The following HNF4G variants were observed in gnomAD, a reference collection of about 807,000 sequenced individuals.
The protein encoded by HNF4G is hepatocyte nuclear factor 4-gamma.
A neutral mutation model predicts 50.9 loss-of-function variants in HNF4G; 21 were observed. That is an observed-to-expected ratio of 0.41 (90% CI 0.29 to 0.59). The LOEUF (loss-of-function observed/expected upper bound fraction) is 0.59. Ranked by LOEUF, HNF4G falls within the 20% of genes least tolerant of loss-of-function variation. HNF4G has a pLI of 0.26. For missense variants in HNF4G, 527 were observed against 559.4 expected, an observed-to-expected ratio of 0.94 and a Z score of 0.58; for synonymous variants, 198 against 185.6, an observed-to-expected ratio of 1.07 and a Z score of -0.54.
intron 1 of HNF4G, among the ~76,000 whole-genome samples, chr8:75,484,727 C>CA (rs2130666125): frequency 6.6e-6 from 1 of 152,332 alleles, no homozygotes; most frequent in South Asian, 2.1e-4. Context: ...CTTGTTTACT[C>CA]AATGCCTGCC....
chr8:75,466,293 T>A (rs1811968989), intron 1 of HNF4G, among the ~76,000 whole-genome samples: 1 of 152,152 alleles, frequency 6.6e-6, no homozygotes. Flanking sequence ...TGCCTCTTTA[T>A]CTTCCAACTT....
intron 1 of HNF4G, among the ~76,000 whole-genome samples, chr8:75,483,325 A>G (rs1395792901): frequency 6.6e-6 from 1 of 151,970 alleles, no homozygotes; most frequent in East Asian, 1.9e-4. Context: ...TGCAAATGTA[A>G]TTCCTTAAGT....
intron 2 of HNF4G, among the ~76,000 whole-genome samples, chr8:75,496,220 G>T (rs748841294): frequency 6.6e-6 from 1 of 152,058 alleles, no homozygotes; most frequent in South Asian, 2.1e-4. Flanking sequence ...AAAATTTACC[G>T]TAAAATGTAC....
chr8:75,459,861 TA>T lies in HNF4G; in HGVS notation c.-143-30227del, dbSNP rs552614297. 1.4e-3 allele frequency among the ~76,000 whole-genome samples: 209 copies of T among 152,230 alleles called. 1 individual carries two copies. Among genetic ancestry groups the T allele is most frequent in the African/African-American group, 4.4e-3 (183 of 41,546 alleles). On this transcript the variant is annotated intron_variant, in intron 1 of 10. Coordinates refer to the HNF4G transcript ENST00000354370. ...CAAAAGAGTTGTTTTTCAAGTTACATAGTTGTGTCTTAAAGTAATTCACATA... is the reference window on the plus strand; with the variant it reads ...CAAAAGAGTTGTTTTTCAAGTTACATGTTGTGTCTTAAAGTAATTCACATA...
At position 75,517,369 on chromosome 8, in the gene HNF4G, T is replaced by C. The variant is rs1463292387; in HGVS notation, c.-23-26442T>C. ...TCTCATTTCAGCATTAACTCAAAAG[T>C]CCACAGTCCAAAGTCTCATCAGAGA... On this transcript the variant is annotated intron_variant, in intron 2 of 10. Transcript: ENST00000354370. Among the ~76,000 whole-genome samples the C allele has an allele frequency of 2.0e-5, 3 of 152,068 alleles. No individual in the cohort carries two copies. In the East Asian group the frequency reaches 5.8e-4, roughly 29 times the overall value.
intron 2 of HNF4G, among the ~76,000 whole-genome samples, chr8:75,534,615 T>C (rs1196204655): frequency 2.0e-5 from 3 of 152,052 alleles, no homozygotes; most frequent in Admixed American, 6.6e-5. Context: ...TATAAATAGT[T>C]CAGGTAAACC....
chr8:75,421,969 A>G (rs1305636111), intron 1 of HNF4G, among the ~76,000 whole-genome samples: 2 of 152,184 alleles, frequency 1.3e-5, no homozygotes, highest in African/African-American at 2.4e-5. Context: ...GGTGGAGGGT[A>G]GATGGAGAAA....
At chr8:75,498,943 A>T (rs1207560022) in intron 2 of HNF4G, among the ~76,000 whole-genome samples, 1 of 152,060 alleles carries the variant, frequency 6.6e-6, no homozygotes, top group African/African-American at 2.4e-5. Flanking sequence ...CATCAAACAA[A>T]TGCTGAAATA....
chr8:75,428,381 A>C (rs990703407), intron 1 of HNF4G, among the ~76,000 whole-genome samples: 3 of 152,218 alleles, frequency 2.0e-5, no homozygotes, highest in African/African-American at 7.2e-5. Context: ...AAGAAAATAA[A>C]CTATTTCCTA....
In HNF4G at chr8:75,482,969, G is replaced by A. The variant is rs1812415459; in HGVS notation, c.-143-7120G>A. On this transcript the variant is annotated intron_variant, in intron 1 of 10. Coordinates refer to the HNF4G transcript ENST00000354370. ...CTGGTTAAAATTGTAATCTAATTCC[G>A]TGTTCTGTTTATCACTAAATAACAG... Among the ~76,000 whole-genome samples the A allele has an allele frequency of 2.0e-5, 3 of 152,126 alleles. 1 individual carries two copies. The highest frequency in any genetic ancestry group is 2.4e-5 in the African/African-American group (1 of 41,510).
chr8:75,492,785 A>G (rs1402087502), intron 2 of HNF4G, among the ~76,000 whole-genome samples: 1 of 152,108 alleles, frequency 6.6e-6, no homozygotes, highest in Non-Finnish European at 1.5e-5. Flanking sequence ...CACTCAAGGA[A>G]GGCCAGAAAG....
rs548266246 is a variant in HNF4G, at chr8:75,501,582, C to T, written c.-24+11374C>T. ...AAATTATTGTTGAAGAGATTTTGTT[C>T]AGTAATAGTGTGTAGACATTTGGTT... is the stretch of plus-strand genomic sequence containing the variant. On this transcript the variant is annotated intron_variant, in intron 2 of 10. Transcript: ENST00000354370. Among the ~76,000 whole-genome samples, 31 of 152,080 alleles carry T rather than the reference C, an allele frequency of 2.0e-4. No individual in the cohort carries two copies. In the South Asian group the frequency reaches 6.4e-3, roughly 32 times the overall value.
intron 1 of HNF4G, among the ~76,000 whole-genome samples, chr8:75,441,533 C>T (rs1336135817): frequency 1.3e-5 from 2 of 152,136 alleles, no homozygotes; most frequent in South Asian, 2.1e-4. Flanking sequence ...ATGTGAGCCA[C>T]CATGCCCGGC....
intron 2 of HNF4G, among the ~76,000 whole-genome samples, chr8:75,516,873 A>T (rs1469933794): frequency 6.6e-6 from 1 of 151,928 alleles, no homozygotes; most frequent in African/African-American, 2.4e-5. Context: ...TGATATAGCT[A>T]CTCCAACTTC....
At chr8:75,414,082 G>A (rs552815441) in intron 1 of HNF4G, among the ~76,000 whole-genome samples, 4 of 152,116 alleles carry the variant, frequency 2.6e-5, no homozygotes, top group African/African-American at 9.6e-5. Context: ...TTTGACAAAT[G>A]TATGTAGTTT....
chr8:75,480,949 T>A (rs1368680041), intron 1 of HNF4G, among the ~76,000 whole-genome samples: 4 of 152,260 alleles, frequency 2.6e-5, no homozygotes, highest in Non-Finnish European at 1.5e-5. Context: ...ACTCCTGGCC[T>A]CAGGTGATCC....
Position 75,553,150 on chromosome 8 carries a change from T to C in HNF4G, c.598T>C (p.Trp200Arg). The C allele has an allele frequency of 4.3e-6, 7 of 1,613,280 alleles. No homozygotes were observed. Among genetic ancestry groups the C allele is most frequent in the Non-Finnish European group, 5.9e-6 (7 of 1,179,394 alleles). ...ACAGCAGCTCTTAGTCTTGGTGGAATGGGCTAAATATATTCCTGCCTTCTG... is the reference window on the plus strand; with the variant it reads ...ACAGCAGCTCTTAGTCTTGGTGGAACGGGCTAAATATATTCCTGCCTTCTG... ...MKQQLLVLVEWAKYIPAFCEL... is the reference protein window; with the variant it reads ...MKQQLLVLVERAKYIPAFCEL... Residue 200 changes from tryptophan (W) to arginine (R), a missense_variant, in exon 5 of 10, where the codon TGG (tryptophan) becomes CGG (arginine). Trp to Arg is a moderately radical substitution (Grantham distance 101, BLOSUM62 -3). Transcript: ENST00000396423.
At chr8:75,506,480 G>A (rs1585904689) in intron 2 of HNF4G, among the ~76,000 whole-genome samples, 1 of 152,066 alleles carries the variant, frequency 6.6e-6, no homozygotes, top group African/African-American at 2.4e-5. Flanking sequence ...ATATTTAAAT[G>A]TACATGGGGA....
chr8:75,555,490 T>C (rs1446342090), intron 5 of HNF4G, among the ~76,000 whole-genome samples: 1 of 152,178 alleles, frequency 6.6e-6, no homozygotes, highest in Non-Finnish European at 1.5e-5. Context: ...TTTGCTTTGC[T>C]TTTGTTTATT....
Sources: gnomAD v4.1 joint callset for allele counts (sites outside exome capture counted in the v4.1 genomes callset) on GRCh38, gnomAD v4.1.1 for gene constraint, MANE v1.5 for transcripts, NCBI Gene and HGNC (gene_info 2026-07-23, HGNC 2026-07-21) for gene names.